The following B3GALNT1 variants were observed in gnomAD, a reference collection of about 807,000 sequenced individuals.
B3GALNT1 encodes beta-1,3-N-acetylgalactosaminyltransferase 1 (Globoside blood group), also known as UDP-GalNAc:beta-1,3-N-acetylgalactosaminyltransferase 1.
In B3GALNT1, 17 loss-of-function variants were observed where a neutral mutation model predicts 27.3. The ratio of observed to expected loss-of-function variants is 0.62; its 90% CI spans 0.43 to 0.94. The LOEUF (loss-of-function observed/expected upper bound fraction) is 0.94, where lower values mean the gene tolerates loss of function less well. Among genes scored for constraint, B3GALNT1 ranks in the 40% least tolerant of loss-of-function variants. B3GALNT1 has a pLI of 0.00. For missense variants in B3GALNT1, 347 were observed against 390.0 expected, an observed-to-expected ratio of 0.89 and a Z score of 0.93; for synonymous variants, 141 against 144.0, an observed-to-expected ratio of 0.98 and a Z score of 0.15.
chr3:161,094,071 T>C (rs1398560272), intron 4 of B3GALNT1, among the ~76,000 whole-genome samples: 1 of 152,172 alleles, frequency 6.6e-6, no homozygotes, highest in East Asian at 1.9e-4. Flanking sequence ...AAAAAGGTTA[T>C]CAGTTTCCAG....
At position 161,104,418 on chromosome 3, in the gene B3GALNT1, G is replaced by T. The variant is rs1478664520; in HGVS notation, c.-308-12C>A. 1.6e-6 allele frequency: 2 copies of T among 1,212,436 alleles called. No individual in the cohort carries two copies. Among genetic ancestry groups the T allele is most frequent in the Admixed American group, 2.6e-5 (1 of 38,780 alleles). 75.1% of individuals were successfully genotyped at this position (1,212,436 alleles called of 1,614,324 possible). ...TAAACGCAGGCAATCTGTGCAAAAC[G>T]CAGAGGAAACAAAATCATGAAAGCC... On this transcript the variant is annotated splice_polypyrimidine_tract_variant and intron_variant, in intron 1 of 4. Transcript: ENST00000320474.
At chr3:161,104,180 C>G in intron 2 of B3GALNT1, 139 bp downstream of exon 2, 1 of 482,818 alleles carries the variant, frequency 2.1e-6, no homozygotes, top group Non-Finnish European at 3.5e-6. Context: ...GATACGCGTT[C>G]AGTAATTTGT....
At chr3:161,086,850 T>G (rs1722324265) in intron 4 of B3GALNT1, 62 bp from the exon 5 acceptor site, 53 of 1,486,662 alleles carry the variant, frequency 3.6e-5, no homozygotes, top group Non-Finnish European at 4.7e-5. Context: ...TCAAAAGACA[T>G]CTGACTATCT....
At chr3:161,088,453 C>T (rs35740625) in intron 4 of B3GALNT1, among the ~76,000 whole-genome samples, 2,361 of 152,258 alleles carry the variant, frequency 0.016, 55 homozygotes, top group African/African-American at 0.053. Context: ...GCAATGGACA[C>T]TGAGGCTTGA....
chr3:161,090,208 T>G (rs1724303779), intron 4 of B3GALNT1: 1 of 153,880 alleles, frequency 6.5e-6, no homozygotes, highest in African/African-American at 2.4e-5. Context: ...ATCATGAAGC[T>G]CTATAACCAT....
At chr3:161,096,230 GT>G (rs1728097303) in intron 4 of B3GALNT1, among the ~76,000 whole-genome samples, 2 of 152,064 alleles carry the variant, frequency 1.3e-5, no homozygotes, top group African/African-American at 4.8e-5. Flanking sequence ...ACCTGAATTT[GT>G]TGATTATGTT....
chr3:161,086,910 A>T, intron 4 of B3GALNT1, 122 bp from the exon 5 acceptor site: 1 of 1,070,416 alleles, frequency 9.3e-7, no homozygotes, highest in Non-Finnish European at 1.4e-6. Context: ...AAAACAAAAA[A>T]TCCTGACTTG....
chr3:161,089,386 T>TA (rs1453076337), intron 4 of B3GALNT1, among the ~76,000 whole-genome samples: 3 of 151,446 alleles, frequency 2.0e-5, no homozygotes, highest in Admixed American at 6.6e-5. Flanking sequence ...TTCATGTGGT[T>TA]AAAAAATGTA....
chr3:161,101,617 ATGAG>A (rs1279408947), intron 3 of B3GALNT1, among the ~76,000 whole-genome samples: 2 of 152,174 alleles, frequency 1.3e-5, no homozygotes, highest in Non-Finnish European at 2.9e-5. Flanking sequence ...ACCAAACATC[ATGAG>A]TGAGGCCCAC....
chr3:161,090,796 T>C (rs973950390), intron 4 of B3GALNT1, among the ~76,000 whole-genome samples: 6 of 152,164 alleles, frequency 3.9e-5, no homozygotes, highest in African/African-American at 1.4e-4. Flanking sequence ...GCACTGCACA[T>C]GAGCAATGTA....
intron 1 of B3GALNT1, chr3:161,104,973 G>A (rs1733559245): frequency 1.3e-5 from 2 of 152,376 alleles, no homozygotes; most frequent in South Asian, 4.1e-4. Flanking sequence ...GTCGCCCACT[G>A]CCCCACTGGG....
At chr3:161,102,633 T>C (rs1292046336) in intron 3 of B3GALNT1, among the ~76,000 whole-genome samples, 5 of 152,218 alleles carry the variant, frequency 3.3e-5, no homozygotes, top group Non-Finnish European at 5.9e-5. Flanking sequence ...TGCTGTTAAA[T>C]GAACTGTAAC....
At chr3:161,100,970 A>G (rs145748620) in intron 4 of B3GALNT1, among the ~76,000 whole-genome samples, 169 bp downstream of exon 4, 4 of 152,332 alleles carry the variant, frequency 2.6e-5, no homozygotes, top group African/African-American at 9.6e-5. Flanking sequence ...GGAACAGTGC[A>G]GCCCAGGTAG....
intron 4 of B3GALNT1, among the ~76,000 whole-genome samples, chr3:161,100,854 G>C (rs1220056199): frequency 1.3e-5 from 2 of 151,812 alleles, no homozygotes; most frequent in African/African-American, 2.4e-5. Flanking sequence ...TAAAGGCATA[G>C]TGAACTTCTG....
intron 4 of B3GALNT1, among the ~76,000 whole-genome samples, chr3:161,092,655 TA>T (rs1484250050): frequency 3.3e-5 from 5 of 151,324 alleles, no homozygotes; most frequent in South Asian, 2.1e-4. Context: ...AAAAGCATAA[TA>T]AAAATGCTTT....
Position 161,092,264 on chromosome 3 carries a change from T to C in B3GALNT1, c.-34-5476A>G, listed in dbSNP as rs543271946. On this transcript the variant is annotated intron_variant, in intron 4 of 4. Coordinates refer to ENST00000320474, the MANE Select transcript of B3GALNT1 (RefSeq NM_003781.4). The stretch of plus-strand genomic sequence containing the variant: ...TGGTATGTCTTCCAATGGAATCCTA[T>C]ATGATAGCTAAATGAATTGGATTTG... Among the ~76,000 whole-genome samples the C allele has an allele frequency of 3.9e-5, 6 of 152,316 alleles. No homozygotes were observed. The East Asian group carries it at 9.6e-4, about 24-fold the overall frequency.
Position 161,085,919 on chromosome 3 carries a change from A to T in B3GALNT1, c.836T>A (p.Val279Glu). 6.2e-7 allele frequency: 1 copy of T among 1,610,840 alleles called. No homozygotes were observed. Among genetic ancestry groups the T allele is most frequent in the South Asian group, 1.1e-5 (1 of 90,544 alleles). Residue 279 changes from valine (V) to glutamate (E), a missense_variant, in exon 5 of 5, where the codon GTG becomes GAG. Transcript: ENST00000320474. Reference sequence around the variant, plus strand: ...TGTGTCTTCTGGAATATGAATGTTCACTTTTAATAAATTCAAACAGATCCC... The same window carrying T: ...TGTGTCTTCTGGAATATGAATGTTCTCTTTTAATAAATTCAAACAGATCCC... ...YVGICLNLLK[V>E]NIHIPEDTNL... is the part of the protein sequence containing the mutation.
Position 161,101,142 on chromosome 3 carries a change from TACACTCGGGGTGAGTAGTCGGA to T in B3GALNT1, c.-60_-39del, listed in dbSNP as rs1479565708. The T allele has an allele frequency of 7.8e-7, 1 of 1,289,420 alleles. No homozygotes were observed. Among genetic ancestry groups the T allele is most frequent in the Non-Finnish European group, 1.0e-6 (1 of 988,712 alleles). 79.9% of individuals were successfully genotyped at this position (1,289,420 alleles called of 1,614,324 possible). A position where few individuals can be genotyped will look rare whatever the true frequency, so the allele number is the denominator to read the frequency against. On this transcript the variant is annotated 5_prime_UTR_variant, in exon 4 of 5. Coordinates refer to ENST00000320474, the MANE Select transcript of B3GALNT1 (RefSeq NM_003781.4). ...AATGCAGCAGAAGCAGACACACCTT[TACACTCGGGGTGAGTAGTCGGA>T]GAGCACCACGTGATAGAGCAGCCAG...
chr3:161,101,562 A>T (rs1731294840), intron 3 of B3GALNT1, among the ~76,000 whole-genome samples: 1 of 152,140 alleles, frequency 6.6e-6, no homozygotes, highest in Non-Finnish European at 1.5e-5. Flanking sequence ...AGTTGCCGAC[A>T]CTCAATGCAG....
Sources: gnomAD v4.1 joint callset for allele counts (sites outside exome capture counted in the v4.1 genomes callset) on GRCh38, gnomAD v4.1.1 for gene constraint, MANE v1.5 for transcripts, NCBI Gene and HGNC (gene_info 2026-07-23, HGNC 2026-07-21) for gene names.